Variants in DNAJB6 observed in about 807,000 individuals in gnomAD.
The protein encoded by DNAJB6 is DnaJ heat shock protein family (Hsp40) member B6, also known as dnaJ homolog subfamily B member 6.
Under a neutral mutation model 42.7 loss-of-function variants are expected in DNAJB6, and 16 were observed. The ratio of observed to expected loss-of-function variants is 0.37; its 90% confidence interval spans 0.25 to 0.57. The LOEUF is 0.57. Among genes scored for constraint, DNAJB6 ranks in the 20% least tolerant of loss-of-function variants. The pLI, the probability that DNAJB6 is intolerant of heterozygous loss-of-function variation, is 0.74. For synonymous variants in DNAJB6, 170 were observed against 163.5 expected, an observed-to-expected ratio of 1.04 and a Z score of -0.30; for missense variants, 347 against 416.8, an observed-to-expected ratio of 0.83 and a Z score of 1.46.
At chr7:157,353,518 C>G (rs189604827) in intron 1 of DNAJB6, among the ~76,000 whole-genome samples, 1 of 151,240 alleles carries the variant, frequency 6.6e-6, no homozygotes, top group Non-Finnish European at 1.5e-5. Flanking sequence ...TCCGAGGAAC[C>G]CAGATTGTAT....
chr7:157,407,868 A>G (rs1185774482), intron 8 of DNAJB6, among the ~76,000 whole-genome samples: 1 of 152,192 alleles, frequency 6.6e-6, no homozygotes, highest in Non-Finnish European at 1.5e-5. Flanking sequence ...TCCCTGTCCC[A>G]GAGCCCTCCT....
intron 1 of DNAJB6, among the ~76,000 whole-genome samples, chr7:157,352,589 C>T (rs1313877138): frequency 6.6e-6 from 1 of 152,074 alleles, no homozygotes; most frequent in Non-Finnish European, 1.5e-5. Flanking sequence ...TGACTGTGCT[C>T]AGGCGGCTGT....
chr7:157,409,853 G>T lies in DNAJB6; in HGVS notation c.750G>T (p.Leu250=). The change falls in exon 9 of 10, where the codon CTG becomes CTT. Residue 250 remains leucine (L), a synonymous_variant. Coordinates refer to ENST00000262177, the MANE Select transcript of DNAJB6 (RefSeq NM_058246.4). ...GCATGCGGAGAGGCCAGAACGCCCT[G>T]CCAGCCCAGCCTGCCGGCCTCCGCC... is the stretch of plus-strand genomic sequence containing the variant. ...EERMRRGQNA[L]PAQPAGLRPP... 1 of 1,533,510 alleles carries T rather than the reference G, an allele frequency of 6.5e-7. No homozygotes were observed. Among genetic ancestry groups the T allele is most frequent in the South Asian group, 1.2e-5 (1 of 83,842 alleles). The allele number at this position is 1,533,510 out of a possible 1,614,324, so 95.0% of individuals were successfully genotyped here.
Position 157,386,607 on chromosome 7 carries a change from C to T in DNAJB6, c.691+996C>T, listed in dbSNP as rs985804720. ...ATGTAAGATCACTTACGGATCCGGGCGCGGTAGCTCAACGCCTGTAATCCC... is the reference window on the plus strand; with the variant it reads ...ATGTAAGATCACTTACGGATCCGGGTGCGGTAGCTCAACGCCTGTAATCCC... On this transcript the variant is annotated intron_variant, in intron 8 of 9. Transcript: ENST00000262177. Among the ~76,000 whole-genome samples the T allele has an allele frequency of 7.7e-5, 8 of 103,922 alleles. No individual in the cohort carries two copies. The South Asian group carries it at 1.5e-3, about 19-fold the overall frequency. The allele number at this position is 103,922 out of a possible 152,430, so 68.2% of individuals were successfully genotyped here. A position where few individuals can be genotyped will look rare whatever the true frequency, so the allele number is the denominator to read the frequency against.
intron 8 of DNAJB6, among the ~76,000 whole-genome samples, chr7:157,409,324 C>T (rs1054239115): frequency 3.3e-5 from 5 of 152,294 alleles, no homozygotes; most frequent in East Asian, 1.9e-4. Flanking sequence ...CTCCCGTGGG[C>T]GCCGCCGCTG....
intron 9 of DNAJB6, chr7:157,412,610 G>C (rs1397543945): frequency 1.3e-5 from 2 of 152,230 alleles, no homozygotes; most frequent in East Asian, 3.8e-4. Flanking sequence ...CTCTTGGCCA[G>C]GCCTCTGGGT....
In DNAJB6 at chr7:157,353,621, G is replaced by GTGTA. The variant is rs1554453957; in HGVS notation, c.-26-4925_-26-4924insGTAT. ...TGTGTGTGTGTGTGTGTGTGTGTGT[G>GTGTA]TATGTATTTTTTTTTGTTTGTTTGT... is the stretch of plus-strand genomic sequence containing the variant. On this transcript the variant is annotated intron_variant, in intron 1 of 9. Coordinates refer to ENST00000262177, the MANE Select transcript of DNAJB6 (RefSeq NM_058246.4). 4.1e-5 allele frequency among the ~76,000 whole-genome samples: 6 copies of GTGTA among 146,128 alleles called. No individual in the cohort carries two copies. In the East Asian group the frequency reaches 7.9e-4, roughly 19 times the overall value.
At chr7:157,397,222 G>C (rs1363400307) in intron 8 of DNAJB6, among the ~76,000 whole-genome samples, 1 of 152,200 alleles carries the variant, frequency 6.6e-6, no homozygotes, top group Non-Finnish European at 1.5e-5. Flanking sequence ...GCTAAGCTGC[G>C]CTGAGGTGGT....
intron 6 of DNAJB6, among the ~76,000 whole-genome samples, chr7:157,383,747 C>T (rs373151666): frequency 6.6e-6 from 1 of 152,006 alleles, no homozygotes; most frequent in Non-Finnish European, 1.5e-5. Context: ...CCACCAGCCA[C>T]GTGTAGCTCC....
In DNAJB6 at chr7:157,349,716, C is replaced by T. The variant is rs529031859; in HGVS notation, c.-26-8831C>T. ...CTGGAGTGCAGTGGCATGATCTCAG[C>T]TCACTGCAACCTCCGCCTCCCGGGT... is the stretch of plus-strand genomic sequence containing the variant. On this transcript the variant is annotated intron_variant, in intron 1 of 9. Coordinates refer to ENST00000262177, the MANE Select transcript of DNAJB6 (RefSeq NM_058246.4). 3.9e-5 allele frequency among the ~76,000 whole-genome samples: 6 copies of T among 152,300 alleles called. No individual in the cohort carries two copies. The South Asian group carries it at 1.0e-3, about 26-fold the overall frequency.
At chr7:157,360,874 G>A (rs1401443400) in intron 2 of DNAJB6, among the ~76,000 whole-genome samples, 1 of 152,120 alleles carries the variant, frequency 6.6e-6, no homozygotes, top group Non-Finnish European at 1.5e-5. Flanking sequence ...CTGGTGTGCA[G>A]GTCCAACAGA....
chr7:157,408,330 T>C (rs74459850), intron 8 of DNAJB6, among the ~76,000 whole-genome samples: 1 of 152,236 alleles, frequency 6.6e-6, no homozygotes, highest in East Asian at 1.9e-4. Context: ...GGAAATAGGA[T>C]TGGGGTAGAA....
At chr7:157,367,111 CAT>C (rs1233540821) in intron 4 of DNAJB6, among the ~76,000 whole-genome samples, 1 of 152,186 alleles carries the variant, frequency 6.6e-6, no homozygotes, top group African/African-American at 2.4e-5. Context: ...TGTAATGTTA[CAT>C]GTTATATGCC....
chr7:157,347,353 G>T (rs759588271), intron 1 of DNAJB6, among the ~76,000 whole-genome samples: 1 of 152,200 alleles, frequency 6.6e-6, no homozygotes, highest in Non-Finnish European at 1.5e-5. Flanking sequence ...GCTAGCATGA[G>T]TTCTGGAGGC....
At chr7:157,389,634 A>C (rs1477817781) in intron 8 of DNAJB6, among the ~76,000 whole-genome samples, 1 of 152,214 alleles carries the variant, frequency 6.6e-6, no homozygotes, top group Non-Finnish European at 1.5e-5. Flanking sequence ...CCTTGGTACT[A>C]AAGTGTGACC....
At chr7:157,361,283 C>A (rs181804642) in intron 2 of DNAJB6, among the ~76,000 whole-genome samples, 1 of 151,754 alleles carries the variant, frequency 6.6e-6, no homozygotes, top group African/African-American at 2.4e-5. Flanking sequence ...CTTAGCCTCC[C>A]GAGTAGGTGG....
intron 8 of DNAJB6, among the ~76,000 whole-genome samples, chr7:157,396,960 G>A (rs561725422): frequency 6.6e-6 from 1 of 152,308 alleles, no homozygotes; most frequent in African/African-American, 2.4e-5. Flanking sequence ...AACCTGCCAC[G>A]GGACGTGATG....
intron 8 of DNAJB6, among the ~76,000 whole-genome samples, chr7:157,405,855 C>T (rs1006633706): frequency 1.3e-5 from 2 of 152,270 alleles, no homozygotes; most frequent in African/African-American, 4.8e-5. Context: ...CCTGCTGTGA[C>T]TGTTCTCCAG....
intron 1 of DNAJB6, among the ~76,000 whole-genome samples, chr7:157,353,969 CTG>C (rs1799144051): frequency 6.6e-6 from 1 of 151,622 alleles, no homozygotes; most frequent in Admixed American, 6.6e-5. Context: ...TGGCCTGAGT[CTG>C]TGATTTTGGA....
Sources: gnomAD v4.1 joint callset for allele counts (sites outside exome capture counted in the v4.1 genomes callset) on GRCh38, gnomAD v4.1.1 for gene constraint, MANE v1.5 for transcripts, NCBI Gene and HGNC (gene_info 2026-07-23, HGNC 2026-07-21) for gene names.